The following SERPINI2 variants were observed in gnomAD, a reference collection of about 807,000 sequenced individuals.
The protein encoded by SERPINI2 is serpin family I member 2.
SERPINI2 carries 48 observed loss-of-function variants against 47.3 expected under a neutral mutation model. The observed-to-expected ratio is 1.02, with a 90% CI of 0.81 to 1.29. The LOEUF is 1.29. Ranked by LOEUF, SERPINI2 falls within the 50% of genes most tolerant of loss-of-function variation. SERPINI2 has a pLI of 0.00. For missense variants in SERPINI2, 448 were observed against 456.9 expected (o/e 0.98, Z 0.18); for synonymous variants, 135 against 149.3 (o/e 0.90, Z 0.70).
At chr3:167,472,685 G>C (rs933625201) in intron 1 of SERPINI2, among the ~76,000 whole-genome samples, 1 of 151,776 alleles carries the variant, frequency 6.6e-6, no homozygotes, top group African/African-American at 2.4e-5. Context: ...AAATGTAAGA[G>C]TAGCAGCAAT....
intron 5 of SERPINI2, among the ~76,000 whole-genome samples, chr3:167,453,820 T>A (rs1749711585): frequency 1.3e-5 from 2 of 151,426 alleles, no homozygotes; most frequent in Admixed American, 1.3e-4. Context: ...GCCACTGATC[T>A]TCCACGATTC....
chr3:167,452,955 G>T lies in SERPINI2; in HGVS notation c.945C>A (p.Cys315Ter). 6.3e-7 allele frequency: 1 copy of T among 1,596,508 alleles called. No homozygotes were observed. Among genetic ancestry groups the T allele is most frequent in the Non-Finnish European group, 8.5e-7 (1 of 1,170,404 alleles). Residue 315 changes from cysteine (C) to a stop codon, truncating the protein, a stop_gained, in exon 6 of 9, where the codon TGC becomes TGA. Coordinates refer to ENST00000264677, the Ensembl canonical transcript of SERPINI2. LOFTEE classifies it high-confidence loss of function. ...TACTACCTGTTATTCCAGAAAGGTC[G>T]CAGCCACCACTAAATATCTCGGTTA... is the stretch of plus-strand genomic sequence containing the variant.
chr3:167,466,843 TAAAAG>T (rs995227982), intron 3 of SERPINI2, among the ~76,000 whole-genome samples: 18 of 152,006 alleles, frequency 1.2e-4, no homozygotes, highest in Admixed American at 2.6e-4. Flanking sequence ...CAAAAGAAAA[TAAAAG>T]AATCAGTATT....
intron 5 of SERPINI2, among the ~76,000 whole-genome samples, chr3:167,462,244 TG>T (rs1750003093): frequency 6.6e-6 from 1 of 150,472 alleles, no homozygotes; most frequent in Non-Finnish European, 1.5e-5. Flanking sequence ...GCTTAAACAT[TG>T]AAGTTGTTCT....
At chr3:167,473,770 G>T in intron 1 of SERPINI2, 1 of 1,475,094 alleles carries the variant, frequency 6.8e-7, no homozygotes, top group Non-Finnish European at 9.0e-7. Context: ...TTATCAGAAA[G>T]CACAAAGTAA....
chr3:167,473,604 TCTC>T (rs1750399985), intron 1 of SERPINI2: 3 of 406,374 alleles, frequency 7.4e-6, no homozygotes, highest in East Asian at 3.8e-5. Flanking sequence ...AGAGTTTCCT[TCTC>T]ATTATTATTA....
At chr3:167,449,387 T>C (rs201533733) in exon 7 of SERPINI2, 1 of 1,610,660 alleles carries the variant, frequency 6.2e-7, no homozygotes. Flanking sequence ...TTGGGAAACA[T>C]ACACTTCAGA....
chr3:167,443,703 C>T (rs1332194134), intron 8 of SERPINI2, among the ~76,000 whole-genome samples: 2 of 152,056 alleles, frequency 1.3e-5, no homozygotes, highest in East Asian at 3.8e-4. Context: ...AGGACAATAT[C>T]TTAAAATTTT....
intron 3 of SERPINI2, 104 bp from the exon 4 acceptor site, chr3:167,465,777 T>G: frequency 2.2e-6 from 2 of 892,222 alleles, no homozygotes; most frequent in Non-Finnish European, 3.3e-6. Flanking sequence ...CAGATCAGTT[T>G]TGGATAGGGC....
chr3:167,445,477 T>C (rs1749447368), intron 8 of SERPINI2, among the ~76,000 whole-genome samples: 1 of 152,188 alleles, frequency 6.6e-6, no homozygotes, highest in Admixed American at 6.6e-5. Context: ...ATAGGGAAAA[T>C]GTGGCTTAGA....
At chr3:167,449,811 A>G (rs59893500) in intron 6 of SERPINI2, among the ~76,000 whole-genome samples, 6 of 152,140 alleles carry the variant, frequency 3.9e-5, no homozygotes, top group African/African-American at 1.2e-4. Context: ...TTTTCAAATG[A>G]TCAAAGACAA....
At chr3:167,453,657 G>A (rs34987499) in intron 5 of SERPINI2, among the ~76,000 whole-genome samples, 14 of 144,766 alleles carry the variant, frequency 9.7e-5, no homozygotes, top group African/African-American at 2.7e-4. Flanking sequence ...TTACAGGAGT[G>A]GGGGGGGGTG....
At chr3:167,463,652 A>T (rs1261061890) in intron 5 of SERPINI2, among the ~76,000 whole-genome samples, 1 of 152,232 alleles carries the variant, frequency 6.6e-6, no homozygotes, top group Non-Finnish European at 1.5e-5. Context: ...AGTAGAGGAT[A>T]CTTCTTTCTC....
intron 2 of SERPINI2, among the ~76,000 whole-genome samples, chr3:167,469,813 T>C (rs553544648): frequency 6.6e-6 from 1 of 152,280 alleles, no homozygotes; most frequent in South Asian, 2.1e-4. Flanking sequence ...TGCTCTTATA[T>C]TCTTAATCCT....
intron 6 of SERPINI2, among the ~76,000 whole-genome samples, chr3:167,450,803 T>C (rs1157677400): frequency 6.6e-6 from 1 of 151,900 alleles, no homozygotes; most frequent in African/African-American, 2.4e-5. Context: ...AGTGAAGAAT[T>C]TCACCCAGTT....
chr3:167,465,659 T>C (rs1219342901), exon 4 of SERPINI2: 3 of 1,607,236 alleles, frequency 1.9e-6, no homozygotes, highest in Admixed American at 3.4e-5. Flanking sequence ...CCTGAAAACA[T>C]GTCTTTAATT....
At chr3:167,473,924 C>T in intron 1 of SERPINI2, 79 bp downstream of exon 1, 1 of 1,172,908 alleles carries the variant, frequency 8.5e-7, no homozygotes, top group Non-Finnish European at 1.1e-6. Context: ...AAATGCCATT[C>T]CATACTCTAC....
chr3:167,457,046 A>G (rs1215463433), intron 5 of SERPINI2, among the ~76,000 whole-genome samples: 3 of 152,200 alleles, frequency 2.0e-5, no homozygotes, highest in Non-Finnish European at 2.9e-5. Context: ...TATTTTCAGT[A>G]ATCTGGTTTC....
At chr3:167,461,705 G>A (rs1749985858) in intron 5 of SERPINI2, among the ~76,000 whole-genome samples, 1 of 151,982 alleles carries the variant, frequency 6.6e-6, no homozygotes, top group African/African-American at 2.4e-5. Context: ...TGAACACATG[G>A]GCTCAAGTGA....
Sources: allele counts gnomAD v4.1 joint callset (sites outside exome capture counted in the v4.1 genomes callset), GRCh38; gene constraint gnomAD v4.1.1; transcripts MANE v1.5; gene names NCBI Gene and HGNC (gene_info 2026-07-23, HGNC 2026-07-21).